PDE4D: variants seen among roughly 807,000 people sequenced by gnomAD.
PDE4D encodes the protein phosphodiesterase 4D.
A neutral mutation model predicts 87.4 loss-of-function variants in PDE4D; 24 were observed. That is an observed-to-expected ratio of 0.27 (90% CI 0.20 to 0.39). The LOEUF is 0.39. Among genes scored for constraint, PDE4D ranks in the 10% least tolerant of loss-of-function variants. The probability of loss-of-function intolerance (pLI) is 1.00; values close to 1 mark genes in which losing one functional copy is unlikely to be tolerated. For synonymous variants in PDE4D, 384 were observed against 383.2 expected, an observed-to-expected ratio of 1.00 and a Z score of -0.02; for missense variants, 714 against 1,041.0, an observed-to-expected ratio of 0.69 and a Z score of 4.32.
intron 1 of PDE4D, among the ~76,000 whole-genome samples, chr5:59,327,495 A>T (rs986138759): frequency 1.3e-5 from 2 of 152,140 alleles, no homozygotes; most frequent in African/African-American, 4.8e-5. Flanking sequence ...GAGCACTCAG[A>T]ATTGTACTGC....
intron 1 of PDE4D, among the ~76,000 whole-genome samples, chr5:59,676,697 C>T (rs1476814706): frequency 1.3e-5 from 2 of 151,994 alleles, no homozygotes; most frequent in African/African-American, 4.8e-5. Context: ...AATAATTGTA[C>T]GTAGGGATGT....
intron 3 of PDE4D, among the ~76,000 whole-genome samples, chr5:59,919,753 A>G (rs1465530248): frequency 1.3e-5 from 2 of 152,206 alleles, no homozygotes; most frequent in Non-Finnish European, 2.9e-5. Context: ...GTAGACACTG[A>G]ATAAACATTT....
At chr5:60,189,590 T>C (rs1441013330) in intron 1 of PDE4D, among the ~76,000 whole-genome samples, 1 of 152,180 alleles carries the variant, frequency 6.6e-6, no homozygotes, top group Non-Finnish European at 1.5e-5. Flanking sequence ...ATGACATCCT[T>C]AAATATGAGT....
chr5:58,977,771 T>C (rs957361922), intron 11 of PDE4D, among the ~76,000 whole-genome samples: 47 of 152,104 alleles, frequency 3.1e-4, no homozygotes, highest in African/African-American at 1.1e-3. Context: ...TGTTACAGGA[T>C]TGTTTGTACT....
At chr5:59,681,415 G>T (rs931805269) in intron 1 of PDE4D, among the ~76,000 whole-genome samples, 3 of 152,102 alleles carry the variant, frequency 2.0e-5, no homozygotes, top group Non-Finnish European at 4.4e-5. Context: ...AAGAAATGAT[G>T]AAATTACAAG....
intron 5 of PDE4D, among the ~76,000 whole-genome samples, chr5:59,146,767 A>AG (rs143498564): frequency 0.017 from 2,621 of 152,274 alleles, 62 homozygotes; most frequent in African/African-American, 0.059. Flanking sequence ...TTATTTCCTG[A>AG]GAAAAAAAAT....
intron 1 of PDE4D, among the ~76,000 whole-genome samples, chr5:59,853,225 C>A (rs1744942955): frequency 6.6e-6 from 1 of 151,988 alleles, no homozygotes; most frequent in African/African-American, 2.4e-5. Context: ...AATTTAAATG[C>A]CATACAGAAG....
At chr5:60,192,453 T>G (rs1323188841) in intron 1 of PDE4D, among the ~76,000 whole-genome samples, 1 of 152,184 alleles carries the variant, frequency 6.6e-6, no homozygotes. Context: ...ATATGGAAAG[T>G]GCTTTGTATG....
rs114170951 is a variant in PDE4D at position 59,969,477 on chromosome 5, T to C, written c.272+19011A>G. Among the ~76,000 whole-genome samples, 513 of 152,312 alleles carry C rather than the reference T, an allele frequency of 3.4e-3. 1 individual carries two copies. Among genetic ancestry groups the C allele is most frequent in the Middle Eastern group, 0.01 (3 of 294 alleles). On this transcript the variant is annotated intron_variant, in intron 3 of 16. Coordinates refer to the PDE4D transcript ENST00000502484. ...GTACTCTCAAGGGTTTCTGAGAATG[T>C]TGTGTTCACCTGCTAATGTCTCACC...
At chr5:59,447,796 A>T (rs949579684) in intron 1 of PDE4D, among the ~76,000 whole-genome samples, 1 of 152,174 alleles carries the variant, frequency 6.6e-6, no homozygotes, top group African/African-American at 2.4e-5. Flanking sequence ...TGATCTTGCA[A>T]CCCACTTTGG....
intron 1 of PDE4D, among the ~76,000 whole-genome samples, chr5:59,251,252 T>A (rs1228240574): frequency 6.6e-6 from 1 of 152,040 alleles, no homozygotes; most frequent in Non-Finnish European, 1.5e-5. Context: ...ACCTACAGAA[T>A]GGGAGAAAAT....
intron 5 of PDE4D, among the ~76,000 whole-genome samples, chr5:59,123,869 C>A (rs955231365): frequency 5.9e-5 from 9 of 152,134 alleles, no homozygotes; most frequent in Non-Finnish European, 1.2e-4. Context: ...TCTAACACTT[C>A]TAAGCTACGT....
chr5:59,348,959 T>C (rs1283735352), intron 1 of PDE4D, among the ~76,000 whole-genome samples: 4 of 152,016 alleles, frequency 2.6e-5, no homozygotes, highest in African/African-American at 9.7e-5. Flanking sequence ...GGTGCACCTG[T>C]AGTCCTAGCT....
intron 1 of PDE4D, among the ~76,000 whole-genome samples, chr5:59,763,776 G>A (rs1004086630): frequency 6.6e-6 from 1 of 152,194 alleles, no homozygotes; most frequent in Non-Finnish European, 1.5e-5. Context: ...GGCATTGCAT[G>A]TTTAGTAAAA....
intron 1 of PDE4D, among the ~76,000 whole-genome samples, chr5:60,310,812 C>T (rs1754960531): frequency 6.6e-6 from 1 of 152,216 alleles, no homozygotes; most frequent in African/African-American, 2.4e-5. Flanking sequence ...TTGCTCACCT[C>T]TTTAAACATC....
intron 2 of PDE4D, among the ~76,000 whole-genome samples, chr5:60,087,768 A>G (rs1774693071): frequency 6.6e-6 from 1 of 152,104 alleles, no homozygotes; most frequent in African/African-American, 2.4e-5. Flanking sequence ...CAAGCAAACT[A>G]ACTTCCACAT....
intron 2 of PDE4D, among the ~76,000 whole-genome samples, chr5:60,083,651 TAG>T (rs1774219642): frequency 1.3e-5 from 2 of 152,336 alleles, no homozygotes; most frequent in South Asian, 4.1e-4. Context: ...TTTTTCAAAA[TAG>T]AGTCATTAGC....
chr5:59,640,291 C>A (rs1741352115), intron 1 of PDE4D, among the ~76,000 whole-genome samples: 1 of 152,106 alleles, frequency 6.6e-6, no homozygotes, highest in South Asian at 2.1e-4. Context: ...TGGGAAATGC[C>A]CAAATTGAAA....
chr5:59,448,823 TG>T (rs1171550368), intron 1 of PDE4D, among the ~76,000 whole-genome samples: 1 of 152,064 alleles, frequency 6.6e-6, no homozygotes, highest in Admixed American at 6.5e-5. Flanking sequence ...TTTGTAGAGA[TG>T]GGGTCTTGCT....
Sources: allele counts gnomAD v4.1 joint callset (sites outside exome capture counted in the v4.1 genomes callset), GRCh38; gene constraint gnomAD v4.1.1; transcripts MANE v1.5; gene names NCBI Gene and HGNC (gene_info 2026-07-23, HGNC 2026-07-21).